TENM3: variants seen among roughly 807,000 people sequenced by gnomAD.
TENM3 encodes teneurin transmembrane protein 3, also known as teneurin-3.
A neutral mutation model predicts 255.1 loss-of-function variants in TENM3; 63 were observed. The observed-to-expected ratio is 0.25, with a 90% CI of 0.20 to 0.30. TENM3 has a LOEUF of 0.30. Among genes scored for constraint, TENM3 ranks in the 10% least tolerant of loss-of-function variants. The pLI is 1.00. For synonymous variants in TENM3, 1,306 were observed against 1,322.3 expected (o/e 0.99, Z 0.27); for missense variants, 2,929 against 3,461.1 (o/e 0.85, Z 3.86).
At chr4:182,744,093 C>CTTTTTTTTTTTTTTTTTT (rs957977132) in intron 19 of TENM3, 24 of 451,896 alleles carry the variant, frequency 5.3e-5, no homozygotes, top group African/African-American at 1.9e-4. Context: ...ACTGTGCTTT[C>CTTTTTTTTTTTTTTTTTT]TTTTTTTTTT....
intron 3 of TENM3, among the ~76,000 whole-genome samples, chr4:182,506,516 T>C (rs1430522192): frequency 6.6e-5 from 10 of 152,228 alleles, no homozygotes; most frequent in Non-Finnish European, 1.5e-4. Context: ...CTTTATTATT[T>C]AATAAAATTT....
intron 3 of TENM3, among the ~76,000 whole-genome samples, chr4:182,475,929 C>T (rs1277780345): frequency 6.6e-6 from 1 of 152,178 alleles, no homozygotes; most frequent in East Asian, 1.9e-4. Context: ...AAAATTTGAT[C>T]TCTGTGTTCC....
chr4:181,619,304 G>T, the TENM3 span, among the ~76,000 whole-genome samples: 1 of 152,150 alleles, frequency 6.6e-6, no homozygotes, highest in Non-Finnish European at 1.5e-5. Flanking sequence ...AAAGCCTTCT[G>T]TGATCCTGTT....
chr4:181,756,236 G>T, the TENM3 span, among the ~76,000 whole-genome samples: 2 of 152,100 alleles, frequency 1.3e-5, no homozygotes, highest in South Asian at 4.1e-4. Context: ...TTATCCTAGT[G>T]AAACAGTGGA....
chr4:181,915,599 C>T, the TENM3 span, among the ~76,000 whole-genome samples: 2 of 141,242 alleles, frequency 1.4e-5, no homozygotes. Flanking sequence ...ACGAAGAAGG[C>T]AGGATAGGCA....
At chr4:182,783,614 T>C (rs1765364754) in intron 24 of TENM3, among the ~76,000 whole-genome samples, 1 of 147,380 alleles carries the variant, frequency 6.8e-6, no homozygotes. Context: ...CCTTGCTAGA[T>C]TGGGGAAGTT....
rs1763238927 is a variant in TENM3, at chr4:182,324,109, A to G, written c.89A>G (p.Asn30Ser). The change falls in exon 2 of 28, where the codon AAT (asparagine) becomes AGT (serine). Residue 30 changes from asparagine (N) to serine (S), a missense_variant. Coordinates refer to ENST00000511685, the MANE Select transcript of TENM3 (RefSeq NM_001080477.4). ...CGCTACACAAATTCCTCCGCAGACA[A>G]TGAGGAGTGCCGGGTACCCACACAG... is the stretch of plus-strand genomic sequence containing the variant. ...ERRYTNSSAD[N>S]EECRVPTQKS... 1.9e-6 allele frequency: 3 copies of G among 1,613,966 alleles called. No individual in the cohort carries two copies. Among genetic ancestry groups the G allele is most frequent in the South Asian group, 1.1e-5 (1 of 91,082 alleles).
intron 22 of TENM3, among the ~76,000 whole-genome samples, chr4:182,772,769 A>T (rs1764356924): frequency 6.6e-6 from 1 of 152,150 alleles, no homozygotes; most frequent in Non-Finnish European, 1.5e-5. Context: ...TGTAAAAAAA[A>T]AACAAATAAT....
intron 3 of TENM3, chr4:182,448,945 C>G (rs1484738594): frequency 2.6e-6 from 1 of 390,050 alleles, no homozygotes; most frequent in Non-Finnish European, 5.1e-6. Flanking sequence ...ACAGAGGAGC[C>G]TCAGCCTATC....
At chr4:181,888,555 T>TACATA in the TENM3 span, among the ~76,000 whole-genome samples, 2 of 111,768 alleles carry the variant, frequency 1.8e-5, no homozygotes, top group Non-Finnish European at 3.6e-5. Context: ...TATATGTATA[T>TACATA]ATATACATAT....
intron 3 of TENM3, chr4:182,448,975 A>C (rs1239758138): frequency 2.5e-6 from 1 of 396,856 alleles, no homozygotes. Flanking sequence ...CGCCGCGCGC[A>C]GCCCGAGCCC....
the TENM3 span, among the ~76,000 whole-genome samples, chr4:181,688,761 G>T: frequency 6.6e-6 from 1 of 152,144 alleles, no homozygotes; most frequent in Admixed American, 6.5e-5. Flanking sequence ...AGGAGAAACT[G>T]CAACAGTCGG....
the TENM3 span, among the ~76,000 whole-genome samples, chr4:182,105,572 A>G: frequency 6.6e-6 from 1 of 152,196 alleles, no homozygotes; most frequent in Non-Finnish European, 1.5e-5. Context: ...AGGAAGATGT[A>G]CGTAGGGCCG....
At chr4:181,471,329 T>G in the TENM3 span, among the ~76,000 whole-genome samples, 1 of 152,190 alleles carries the variant, frequency 6.6e-6, no homozygotes, top group Non-Finnish European at 1.5e-5. Context: ...CCACATCCAC[T>G]TTGTTGGAGA....
chr4:182,456,203 G>T (rs963499395), intron 3 of TENM3, among the ~76,000 whole-genome samples: 2 of 152,180 alleles, frequency 1.3e-5, no homozygotes, highest in Admixed American at 1.3e-4. Context: ...AGCTGATAAG[G>T]CTGAGTATCC....
intron 3 of TENM3, among the ~76,000 whole-genome samples, chr4:182,529,277 A>C (rs1739536409): frequency 6.6e-6 from 1 of 152,246 alleles, no homozygotes; most frequent in African/African-American, 2.4e-5. Context: ...AAGATGAACC[A>C]AAATGTATCA....
At chr4:182,776,590 A>G (rs986377196) in intron 24 of TENM3, among the ~76,000 whole-genome samples, 5 of 152,202 alleles carry the variant, frequency 3.3e-5, no homozygotes, top group Non-Finnish European at 4.4e-5. Context: ...TAACCATAAC[A>G]TATTGCCTGC....
At chr4:182,034,868 T>A in the TENM3 span, among the ~76,000 whole-genome samples, 1 of 152,180 alleles carries the variant, frequency 6.6e-6, no homozygotes, top group Non-Finnish European at 1.5e-5. Flanking sequence ...GTCTTGGGGT[T>A]GATCTTCTCA....
the TENM3 span, among the ~76,000 whole-genome samples, chr4:181,805,094 G>A: frequency 1.3e-5 from 2 of 152,292 alleles, no homozygotes; most frequent in Admixed American, 1.3e-4. Context: ...GAGTTCTGCT[G>A]TGCTCACACT....
Sources: allele counts gnomAD v4.1 joint callset (sites outside exome capture counted in the v4.1 genomes callset), GRCh38; gene constraint gnomAD v4.1.1; transcripts MANE v1.5; gene names NCBI Gene and HGNC (gene_info 2026-07-23, HGNC 2026-07-21).